EMILIN3: variants seen among roughly 807,000 people sequenced by gnomAD.
EMILIN3 encodes the protein EMILIN-3.
In EMILIN3, 38 loss-of-function variants were observed where a neutral mutation model predicts 42.8. The observed-to-expected ratio is 0.89, with a 90% CI of 0.69 to 1.16. EMILIN3 has a LOEUF of 1.16. Ranked by LOEUF, EMILIN3 falls within the 50% of genes most tolerant of loss-of-function variation. EMILIN3 has a pLI of 0.00. For synonymous variants in EMILIN3, 430 were observed against 440.5 expected (o/e 0.98, Z 0.30); for missense variants, 924 against 999.5 (o/e 0.92, Z 1.02).
rs61739304 is a variant in EMILIN3, at chr20:41,365,100, C to T, written c.225G>A (p.Ala75=). Residue 75 remains alanine (A), a synonymous_variant, in exon 2 of 4, where the codon GCG becomes GCA. Transcript: ENST00000332312. ...GGTATTCAGCCTTTACGTAGCTCTCCGCTCCCTCCTGTAGGATGCAGGTCA... is the reference window on the plus strand; with the variant it reads ...GGTATTCAGCCTTTACGTAGCTCTCTGCTCCCTCCTGTAGGATGCAGGTCA... ...RNVTCILQEG[A]ESYVKAEYRQ... is the part of the protein sequence containing the mutation. 3.4e-3 allele frequency: 5,559 copies of T among 1,614,040 alleles called. 20 individuals carry two copies. Among genetic ancestry groups the T allele is most frequent in the South Asian group, 8.1e-3 (742 of 91,080 alleles).
Position 41,365,035 on chromosome 20 carries a change from G to T in EMILIN3, c.290C>A (p.Thr97Lys), listed in dbSNP as rs769382260. Residue 97 changes from threonine to lysine, a missense_variant and splice_region_variant, in exon 2 of 4, where the codon ACG becomes AAG. Thr to Lys is a moderately conservative substitution (Grantham distance 78). Transcript: ENST00000332312. ...GTGTGTAGGTGAGGAGTGCACTTAC[G>T]TGACTGTCCCGGGGCACTTGGGCCC... is the stretch of plus-strand genomic sequence containing the variant. ...RWGPKCPGTV[T>K]YRTVLRPKYK... 1 of 1,613,682 alleles carries T rather than the reference G, an allele frequency of 6.2e-7. No homozygotes were observed. The highest frequency in any genetic ancestry group is 8.5e-7 in the Non-Finnish European group (1 of 1,179,780).
In EMILIN3 at chr20:41,361,874, C is replaced by A. The variant is rs752297727; in HGVS notation, c.1695G>T (p.Val565=). The A allele has an allele frequency of 6.2e-7, 1 of 1,613,562 alleles. No homozygotes were observed. The highest frequency in any genetic ancestry group is 8.5e-7 in the Non-Finnish European group (1 of 1,180,030). Residue 565 remains valine (V), a synonymous_variant, in exon 4 of 4, where the codon GTG becomes GTT. Transcript: ENST00000332312. ...AALLQQLNGT[V]AEVQGQLAEG... The stretch of plus-strand genomic sequence containing the variant: ...CTGCCAGCTGTCCCTGGACCTCGGC[C>A]ACAGTGCCATTGAGCTGCTGGAGCA...
chr20:41,361,209 C>A lies in EMILIN3; in HGVS notation c.*59G>T. On this transcript the variant is annotated 3_prime_UTR_variant, in exon 4 of 4. Transcript: ENST00000332312. ...GAAGGCGCTGCTGGATAAGGCTGGGCTCTGGGGTGATGTTCCCCGAGTTGG... is the reference window on the plus strand; with the variant it reads ...GAAGGCGCTGCTGGATAAGGCTGGGATCTGGGGTGATGTTCCCCGAGTTGG... 1 of 1,482,990 alleles carries A rather than the reference C, an allele frequency of 6.7e-7. No homozygotes were observed. Among genetic ancestry groups the A allele is most frequent in the Non-Finnish European group, 9.1e-7 (1 of 1,101,178 alleles). The allele number at this position is 1,482,990 out of a possible 1,614,324, so 91.9% of individuals were successfully genotyped here. A position where few individuals can be genotyped will look rare whatever the true frequency, so the allele number is the denominator to read the frequency against.
Position 41,366,729 on chromosome 20 carries a change from T to A in EMILIN3, c.-95A>T. ...CGCCCCCGCCGCTGGTCGGCCCGGG[T>A]CCCGCCCCGAGGGTCCCGGGGTCCC... On this transcript the variant is annotated 5_prime_UTR_variant, in exon 1 of 4. Transcript: ENST00000332312. This position sits in a 1 kb window ranked among gnomAD's most constrained non-coding sequence, Gnocchi z 4.2. The A allele has an allele frequency of 4.7e-6, 4 of 854,294 alleles. No homozygotes were observed. The highest frequency in any genetic ancestry group is 4.2e-6 in the Non-Finnish European group (3 of 712,372). 52.9% of individuals were successfully genotyped at this position (854,294 alleles called of 1,614,324 possible).
intron 2 of EMILIN3, among the ~76,000 whole-genome samples, chr20:41,364,236 C>T (rs1434369993): frequency 6.6e-6 from 1 of 152,122 alleles, no homozygotes; most frequent in Non-Finnish European, 1.5e-5. Context: ...CCCAGCCCTC[C>T]CTGTGGGCAG....
Position 41,366,774 on chromosome 20 carries a change from T to A in EMILIN3, c.-140A>T. The A allele has an allele frequency of 2.3e-6, 1 of 443,612 alleles. No individual in the cohort carries two copies. The highest frequency in any genetic ancestry group is 3.0e-6 in the Non-Finnish European group (1 of 335,378). 27.5% of individuals were successfully genotyped at this position (443,612 alleles called of 1,614,324 possible). A position where few individuals can be genotyped will look rare whatever the true frequency, so the allele number is the denominator to read the frequency against. On this transcript the variant is annotated 5_prime_UTR_variant, in exon 1 of 4. Transcript: ENST00000332312. The surrounding 1 kb of genome is among the most constrained non-coding windows in gnomAD (Gnocchi z 4.2). ...GGTCCCCTTCGGCCCCCGAGCTCGC[T>A]GGCCCGGCCGCCTGGCGCTTCGCGG...
rs1375133858 is a variant in EMILIN3 at position 41,363,704 on chromosome 20, G to T, written c.448C>A (p.Pro150Thr). 2 of 1,614,016 alleles carry T rather than the reference G, an allele frequency of 1.2e-6. No homozygotes were observed. The highest frequency in any genetic ancestry group is 3.3e-5 in the Admixed American group (2 of 60,026). Residue 150 changes from proline (P) to threonine (T), a missense_variant, in exon 3 of 4, where the codon CCT (proline) becomes ACT (threonine). Transcript: ENST00000332312. ...GGGCCTGGGTCCAGCTGCCCTGAAG[G>T]AATCTGAGGCTCAGGCTCCAGCTGG... Reference protein sequence around the residue: ...SPQLEPEPQIPSGQLDPGPRP... With the variant: ...SPQLEPEPQITSGQLDPGPRP...
rs2046396946 is a variant in EMILIN3, at chr20:41,366,766, G to A, written c.-132C>T. 3 of 532,908 alleles carry A rather than the reference G, an allele frequency of 5.6e-6. No homozygotes were observed. The highest frequency in any genetic ancestry group is 7.2e-6 in the Non-Finnish European group (3 of 417,138). The allele number at this position is 532,908 out of a possible 1,614,324, so 33.0% of individuals were successfully genotyped here. A position where few individuals can be genotyped will look rare whatever the true frequency, so the allele number is the denominator to read the frequency against. ...GGTCCCGGGGTCCCCTTCGGCCCCC[G>A]AGCTCGCTGGCCCGGCCGCCTGGCG... On this transcript the variant is annotated 5_prime_UTR_variant, in exon 1 of 4. Coordinates refer to ENST00000332312, the MANE Select transcript of EMILIN3 (RefSeq NM_052846.2). This position sits in a 1 kb window ranked among gnomAD's most constrained non-coding sequence, Gnocchi z 4.2.
Position 41,364,600 on chromosome 20 carries a change from C to T in EMILIN3, c.290+435G>A, listed in dbSNP as rs1416385733. ...AGCCCTGCTGCTCCGGCTTCCTCTC[C>T]CTGCCCCATGGCCTGCCTCCTTGTG... is the stretch of plus-strand genomic sequence containing the variant. On this transcript the variant is annotated intron_variant, in intron 2 of 3. Coordinates refer to ENST00000332312, the MANE Select transcript of EMILIN3 (RefSeq NM_052846.2). Among the ~76,000 whole-genome samples, 6 of 152,326 alleles carry T rather than the reference C, an allele frequency of 3.9e-5. No homozygotes were observed. In the East Asian group the frequency reaches 1.2e-3, roughly 29 times the overall value.
Position 41,366,374 on chromosome 20 carries a change from G to A in EMILIN3, c.167+94C>T. On this transcript the variant is annotated intron_variant, in intron 1 of 3. Coordinates refer to ENST00000332312, the MANE Select transcript of EMILIN3 (RefSeq NM_052846.2). This position sits in a 1 kb window ranked among gnomAD's most constrained non-coding sequence, Gnocchi z 4.2. ...GTGCAGCGGCCTCGGGGTGCCCGGGGCCTCGACGCCCCCCGCGGGTGCGGG... is the reference window on the plus strand; with the variant it reads ...GTGCAGCGGCCTCGGGGTGCCCGGGACCTCGACGCCCCCCGCGGGTGCGGG... 3.1e-6 allele frequency: 3 copies of A among 966,206 alleles called. No homozygotes were observed. The highest frequency in any genetic ancestry group is 3.8e-6 in the Non-Finnish European group (3 of 790,964). 59.9% of individuals were successfully genotyped at this position (966,206 alleles called of 1,614,324 possible).
chr20:41,365,942 G>A (rs1264355716), intron 1 of EMILIN3, among the ~76,000 whole-genome samples: 1 of 152,174 alleles, frequency 6.6e-6, no homozygotes, highest in African/African-American at 2.4e-5. Flanking sequence ...GCACAGGCCC[G>A]GAGCCAGGAG....
intron 2 of EMILIN3, 138 bp from the exon 3 acceptor site, chr20:41,363,999 A>C: frequency 1.3e-6 from 1 of 762,398 alleles, no homozygotes. Context: ...CCAGGGCTGT[A>C]CTTTTTCTGT....
intron 2 of EMILIN3, 23 bp from the exon 3 acceptor site, chr20:41,363,884 G>A (rs182885248): frequency 1.2e-6 from 2 of 1,605,722 alleles, no homozygotes; most frequent in African/African-American, 2.7e-5. Flanking sequence ...GGGCAAGAGA[G>A]TGGGATCCTG....
rs2046361671 is a variant in EMILIN3, at chr20:41,361,799, A to C, written c.1770T>G (p.Asn590Lys). The change falls in exon 4 of 4, where the codon AAT becomes AAG. Residue 590 changes from asparagine to lysine, a missense_variant. Asn to Lys is a moderately conservative substitution (Grantham distance 94, BLOSUM62 0). Coordinates refer to ENST00000332312, the MANE Select transcript of EMILIN3 (RefSeq NM_052846.2). Reference protein sequence around the residue: ...LQGEITLLKVNLNSVSKSLTG... With the variant: ...LQGEITLLKVKLNSVSKSLTG... ...TGAGCGACTTGCTCACTGAGTTCAG[A>C]TTGACCTTGAGCAGAGTGATCTCGC... The C allele has an allele frequency of 6.2e-7, 1 of 1,613,626 alleles. No homozygotes were observed.
At position 41,361,925 on chromosome 20, in the gene EMILIN3, T is replaced by C. The variant is rs747136348; in HGVS notation, c.1644A>G (p.Leu548=). 2 of 1,612,928 alleles carry C rather than the reference T, an allele frequency of 1.2e-6. No individual in the cohort carries two copies. Among genetic ancestry groups the C allele is most frequent in the East Asian group, 4.5e-5 (2 of 44,882 alleles). The change falls in exon 4 of 4, where the codon CTA becomes CTG. Residue 548 remains leucine (L), a synonymous_variant. Transcript: ENST00000332312. ...KAWQSRSEAL[L]RQVASHAALL... ...GTGCTGCGTGGCTGGCCACCTGGCG[T>C]AGGAGGGCCTCGCTCCGGCTCTGCC...
At position 41,361,352 on chromosome 20, in the gene EMILIN3, C is replaced by T. The variant is rs769617233; in HGVS notation, c.2217G>A (p.Thr739=). ...DQLNRTLAQH[T]QDIARLRDDL... is the part of the protein sequence containing the mutation. ...CATCCCGGAGGCGGGCAATGTCCTG[C>T]GTGTGCTGGGCCAGCGTACGATTCA... Residue 739 remains threonine (T), a synonymous_variant, in exon 4 of 4, where the codon ACG becomes ACA. Transcript: ENST00000332312. The T allele has an allele frequency of 3.9e-5, 63 of 1,612,780 alleles. No homozygotes were observed. Among genetic ancestry groups the T allele is most frequent in the East Asian group, 3.1e-4 (14 of 44,856 alleles).
Position 41,361,334 on chromosome 20 carries a change from G to C in EMILIN3, c.2235C>G (p.Leu745=), listed in dbSNP as rs1352590333. The change falls in exon 4 of 4, where the codon CTC becomes CTG. Residue 745 remains leucine, a synonymous_variant. Transcript: ENST00000332312. ...LAQHTQDIAR[L]RDDLLDCQAQ... Reference sequence around the variant, plus strand: ...CCTGGCAGTCCAGTAGGTCATCCCGGAGGCGGGCAATGTCCTGCGTGTGCT... The same window carrying C: ...CCTGGCAGTCCAGTAGGTCATCCCGCAGGCGGGCAATGTCCTGCGTGTGCT... 6.2e-7 allele frequency: 1 copy of C among 1,610,944 alleles called. No individual in the cohort carries two copies. Among genetic ancestry groups the C allele is most frequent in the Non-Finnish European group, 8.5e-7 (1 of 1,177,856 alleles).
At position 41,363,603 on chromosome 20, in the gene EMILIN3, C is replaced by T. The variant is rs757208062; in HGVS notation, c.514+35G>A. Reference sequence around the variant, plus strand: ...CCCCTGCCACTGAGCCCAAGAAACCCAATCACCTTGGAGGGTCTCCTTGGG... The same window carrying T: ...CCCCTGCCACTGAGCCCAAGAAACCTAATCACCTTGGAGGGTCTCCTTGGG... On this transcript the variant is annotated intron_variant, in intron 3 of 3. Transcript: ENST00000332312. 5 of 1,563,904 alleles carry T rather than the reference C, an allele frequency of 3.2e-6. No homozygotes were observed. In the South Asian group the frequency reaches 5.7e-5, roughly 18 times the overall value.
rs772733710 is a variant in EMILIN3 at position 41,363,825 on chromosome 20, G to A, written c.327C>T (p.Gly109=). 6.2e-7 allele frequency: 1 copy of A among 1,614,152 alleles called. No individual in the cohort carries two copies. The highest frequency in any genetic ancestry group is 2.2e-5 in the East Asian group (1 of 44,886). The change falls in exon 3 of 4, where the codon GGC becomes GGT. Residue 109 remains glycine, a synonymous_variant. Transcript: ENST00000332312. ...RTVLRPKYKV[G]YKTVTDLAWR... is the part of the protein sequence containing the mutation. Reference sequence around the variant, plus strand: ...AGGCGAGGTCTGTCACTGTCTTGTAGCCAACCTTGTATTTGGGTCTGAGTA... The same window carrying A: ...AGGCGAGGTCTGTCACTGTCTTGTAACCAACCTTGTATTTGGGTCTGAGTA...
Sources: gnomAD v4.1 joint callset for allele counts (sites outside exome capture counted in the v4.1 genomes callset) on GRCh38, gnomAD v4.1.1 for gene constraint, Gnocchi (gnomAD v3.1) non-coding constraint, MANE v1.5 for transcripts, NCBI Gene and HGNC (gene_info 2026-07-23, HGNC 2026-07-21) for gene names.